The following PTPRD variants were observed in gnomAD, a reference collection of about 807,000 sequenced individuals.
PTPRD encodes protein tyrosine phosphatase receptor type D, also known as receptor-type tyrosine-protein phosphatase delta.
A neutral mutation model predicts 214.5 loss-of-function variants in PTPRD; 34 were observed. The observed-to-expected ratio is 0.16, with a 90% CI of 0.12 to 0.21. PTPRD has a LOEUF of 0.21. Ranked by LOEUF, PTPRD falls within the 10% of genes least tolerant of loss-of-function variation. PTPRD has a pLI of 1.00. For synonymous variants in PTPRD, 1,128 were observed against 845.7 expected, an observed-to-expected ratio of 1.33 and a Z score of -5.79; for missense variants, 2,545 against 2,398.7, an observed-to-expected ratio of 1.06 and a Z score of -1.27.
intron 11 of PTPRD, among the ~76,000 whole-genome samples, chr9:8,965,395 A>C (rs2099187534): frequency 6.6e-6 from 1 of 151,816 alleles, no homozygotes; most frequent in African/African-American, 2.4e-5. Context: ...AAAAAAAAAA[A>C]AAATTCTTAG....
At chr9:9,048,485 A>AGAT in intron 10 of PTPRD, among the ~76,000 whole-genome samples, 1 of 152,336 alleles carries the variant, frequency 6.6e-6, no homozygotes, top group Admixed American at 6.5e-5. Context: ...AAAACAAATG[A>AGAT]GATCTTGTGA....
intron 8 of PTPRD, among the ~76,000 whole-genome samples, chr9:9,522,000 A>C (rs891481583): frequency 1.5e-4 from 23 of 152,006 alleles, no homozygotes; most frequent in Non-Finnish European, 1.2e-4. Context: ...TTTACTAAAA[A>C]TACAAAATTA....
chr9:9,776,521 G>C (rs955773672), intron 5 of PTPRD, among the ~76,000 whole-genome samples: 3 of 152,020 alleles, frequency 2.0e-5, no homozygotes, highest in African/African-American at 7.3e-5. Flanking sequence ...GAAAACATCT[G>C]TTGAATGGAT....
At chr9:9,428,095 A>C (rs142288758) in intron 8 of PTPRD, among the ~76,000 whole-genome samples, 6,823 of 152,246 alleles carry the variant, frequency 0.045, 352 homozygotes, top group East Asian at 0.15. Flanking sequence ...GCTAAATGTT[A>C]CAATTAAAAA....
chr9:9,456,595 G>A (rs1241935612), intron 8 of PTPRD, among the ~76,000 whole-genome samples: 1 of 151,734 alleles, frequency 6.6e-6, no homozygotes, highest in Non-Finnish European at 1.5e-5. Flanking sequence ...GTCACTATTA[G>A]CCTCTAACTA....
At chr9:8,405,187 T>G (rs949866448) in intron 35 of PTPRD, among the ~76,000 whole-genome samples, 10 of 152,166 alleles carry the variant, frequency 6.6e-5, no homozygotes, top group African/African-American at 2.2e-4. Flanking sequence ...TGTAACACAC[T>G]AAGACCAATA....
At chr9:9,778,252 C>G (rs989706592) in intron 5 of PTPRD, among the ~76,000 whole-genome samples, 1 of 152,066 alleles carries the variant, frequency 6.6e-6, no homozygotes, top group African/African-American at 2.4e-5. Flanking sequence ...CCGAATGGCT[C>G]CTGGGAGAGG....
At chr9:8,458,812 G>A (rs1359934599) in intron 33 of PTPRD, among the ~76,000 whole-genome samples, 1 of 151,986 alleles carries the variant, frequency 6.6e-6, no homozygotes, top group Non-Finnish European at 1.5e-5. Flanking sequence ...TCAAATGAGA[G>A]GAGATTTTGG....
chr9:8,478,625 T>G (rs1299219637), intron 30 of PTPRD, among the ~76,000 whole-genome samples: 1 of 152,184 alleles, frequency 6.6e-6, no homozygotes, highest in African/African-American at 2.4e-5. Flanking sequence ...GTAGCACTGC[T>G]AGATCTGACT....
At chr9:8,764,508 G>A (rs1376343556) in intron 11 of PTPRD, among the ~76,000 whole-genome samples, 4 of 152,020 alleles carry the variant, frequency 2.6e-5, no homozygotes, top group African/African-American at 4.8e-5. Context: ...TAAAGAATGG[G>A]TTATTTGAGC....
At chr9:10,264,262 A>G (rs2093900733) in intron 3 of PTPRD, among the ~76,000 whole-genome samples, 1 of 152,036 alleles carries the variant, frequency 6.6e-6, no homozygotes, top group East Asian at 2.0e-4. Flanking sequence ...CATCATCCAG[A>G]CCCCAGAATT....
intron 8 of PTPRD, among the ~76,000 whole-genome samples, chr9:9,573,713 AT>A (rs1268112856): frequency 5.3e-5 from 8 of 151,840 alleles, no homozygotes; most frequent in Admixed American, 5.3e-4. Flanking sequence ...AATTTCTCCC[AT>A]TATCAGCAAA....
intron 5 of PTPRD, among the ~76,000 whole-genome samples, chr9:9,789,991 C>A (rs2154495023): frequency 6.6e-6 from 1 of 152,018 alleles, no homozygotes; most frequent in East Asian, 1.9e-4. Flanking sequence ...CTTTGTGAAA[C>A]AACTAAAAGA....
chr9:9,720,177 G>A (rs773483922), intron 7 of PTPRD, among the ~76,000 whole-genome samples: 9 of 152,062 alleles, frequency 5.9e-5, no homozygotes, highest in African/African-American at 1.2e-4. Context: ...TCTTATAATC[G>A]TTTACTAGGT....
chr9:9,924,165 G>C (rs2083475631), intron 5 of PTPRD, among the ~76,000 whole-genome samples: 1 of 151,926 alleles, frequency 6.6e-6, no homozygotes, highest in African/African-American at 2.4e-5. Flanking sequence ...AGAATAGTGG[G>C]AAAAGAGTCC....
At chr9:8,535,217 G>C (rs927779002) in intron 14 of PTPRD, among the ~76,000 whole-genome samples, 1 of 151,856 alleles carries the variant, frequency 6.6e-6, no homozygotes, top group Non-Finnish European at 1.5e-5. Context: ...TCCATCAATA[G>C]ATCTAAAGGG....
At chr9:9,939,275 C>G (rs568304383) in intron 4 of PTPRD, among the ~76,000 whole-genome samples, 85 of 152,260 alleles carry the variant, frequency 5.6e-4, no homozygotes, top group African/African-American at 1.8e-3. Context: ...GGGTCTTGTA[C>G]TGCACACAAA....
chr9:8,331,546 C>T (rs754460852), intron 44 of PTPRD, 36 bp downstream of exon 44: 4 of 1,491,850 alleles, frequency 2.7e-6, no homozygotes, highest in South Asian at 1.4e-5. Flanking sequence ...GAAACACCAC[C>T]ACTTATCACT....
At chr9:9,042,295 A>T (rs2099642484) in intron 10 of PTPRD, among the ~76,000 whole-genome samples, 2 of 152,150 alleles carry the variant, frequency 1.3e-5, no homozygotes, top group Admixed American at 1.3e-4. Flanking sequence ...TCCTGAGGGG[A>T]AATGTGGATG....
Sources: allele counts gnomAD v4.1 joint callset (sites outside exome capture counted in the v4.1 genomes callset), GRCh38; gene constraint gnomAD v4.1.1; transcripts MANE v1.5; gene names NCBI Gene and HGNC (gene_info 2026-07-23, HGNC 2026-07-21).